CDH18: variants seen among roughly 807,000 people sequenced by gnomAD.
The protein encoded by CDH18 is cadherin-18.
CDH18 carries 31 observed loss-of-function variants against 67.9 expected under a neutral mutation model. The observed-to-expected ratio is 0.46, with a 90% CI of 0.34 to 0.62. The LOEUF is 0.62. Among genes scored for constraint, CDH18 ranks in the 20% least tolerant of loss-of-function variants. CDH18 has a pLI of 0.01. For synonymous variants in CDH18, 362 were observed against 347.2 expected, an observed-to-expected ratio of 1.04 and a Z score of -0.48; for missense variants, 890 against 975.5, an observed-to-expected ratio of 0.91 and a Z score of 1.17.
chr5:20,482,748 A>G (rs1752904409), intron 1 of CDH18, among the ~76,000 whole-genome samples: 1 of 152,032 alleles, frequency 6.6e-6, no homozygotes, highest in African/African-American at 2.4e-5. Flanking sequence ...AACTCTCAAA[A>G]AAACTGGCTA....
intron 1 of CDH18, among the ~76,000 whole-genome samples, chr5:20,549,619 GAGA>G (rs976243896): frequency 2.6e-5 from 4 of 152,266 alleles, no homozygotes; most frequent in East Asian, 1.9e-4. Flanking sequence ...GCAAGAAAGT[GAGA>G]AGATTAACTC....
At chr5:20,268,981 A>G (rs1056162934) in intron 1 of CDH18, among the ~76,000 whole-genome samples, 3 of 152,194 alleles carry the variant, frequency 2.0e-5, no homozygotes, top group African/African-American at 4.8e-5. Flanking sequence ...TTTCTTCAAC[A>G]GGGGATTAAT....
At chr5:19,992,017 C>CAAAAA (rs775034313), upstream of CDH18, 16 of 47,518 alleles carry the variant, frequency 3.4e-4, no homozygotes, top group East Asian at 8.9e-4. Context: ...GATTCCATCT[C>CAAAAA]AAAAAAAAAA....
intron 5 of CDH18, among the ~76,000 whole-genome samples, chr5:19,705,498 A>T (rs1763838069): frequency 6.6e-6 from 1 of 152,190 alleles, no homozygotes; most frequent in African/African-American, 2.4e-5. Flanking sequence ...TTAACAAAGG[A>T]GGCTGAGACA....
intron 3 of CDH18, among the ~76,000 whole-genome samples, chr5:19,753,129 AC>A (rs911206661): frequency 6.6e-6 from 1 of 151,932 alleles, no homozygotes; most frequent in East Asian, 1.9e-4. Flanking sequence ...GCTCTTTAAC[AC>A]CCCCAAAAAT....
chr5:19,885,866 C>T (rs6872164), intron 2 of CDH18, among the ~76,000 whole-genome samples: 123,215 of 152,050 alleles, frequency 0.81, 51,409 homozygotes, highest in Non-Finnish European at 0.91. Context: ...AATGTGTTTA[C>T]AATTTCTTAG....
rs563080690 is a variant in CDH18 at position 19,631,505 on chromosome 5, A to G, written c.644-18904T>C. Among the ~76,000 whole-genome samples, 27 of 152,236 alleles carry G rather than the reference A, an allele frequency of 1.8e-4. No homozygotes were observed. The Middle Eastern group carries it at 0.014, about 77-fold the overall frequency. On this transcript the variant is annotated intron_variant, in intron 5 of 12. Transcript: ENST00000382275. Reference sequence around the variant, plus strand: ...GTATCTTTGGCAAGGTCACTTAACCAAACAGTTGGCAAATTCTGAAGCGAT... The same window carrying G: ...GTATCTTTGGCAAGGTCACTTAACCGAACAGTTGGCAAATTCTGAAGCGAT...
At chr5:20,338,626 G>A (rs1015248536) in intron 1 of CDH18, among the ~76,000 whole-genome samples, 1 of 152,214 alleles carries the variant, frequency 6.6e-6, no homozygotes, top group African/African-American at 2.4e-5. Flanking sequence ...ACATCCTTTT[G>A]AGACATCTGG....
intron 2 of CDH18, among the ~76,000 whole-genome samples, chr5:19,890,178 C>T (rs578190527): frequency 6.6e-6 from 1 of 152,070 alleles, no homozygotes; most frequent in Non-Finnish European, 1.5e-5. Context: ...TGTGCTGTTA[C>T]AAGCTTCTGG....
At position 19,570,677 on chromosome 5, in the gene CDH18, C is replaced by T. The variant is rs999096767; in HGVS notation, c.1253+902G>A. On this transcript the variant is annotated intron_variant, in intron 8 of 12. Coordinates refer to ENST00000382275, the MANE Select transcript of CDH18 (RefSeq NM_004934.5). ...TACAGGATATCCAAGAAGTTTTACACATGTATGCAGCCTTTCTGATTTTGT... is the reference window on the plus strand; with the variant it reads ...TACAGGATATCCAAGAAGTTTTACATATGTATGCAGCCTTTCTGATTTTGT... Among the ~76,000 whole-genome samples the T allele has an allele frequency of 3.7e-4, 57 of 152,138 alleles. 1 individual carries two copies. The highest frequency in any genetic ancestry group is 1.3e-3 in the African/African-American group (52 of 41,502).
At chr5:19,527,237 G>T (rs1268089237) in intron 9 of CDH18, among the ~76,000 whole-genome samples, 2 of 151,668 alleles carry the variant, frequency 1.3e-5, no homozygotes, top group Non-Finnish European at 3.0e-5. Context: ...TTTGAAATGA[G>T]AGTAGTTTTT....
At chr5:20,020,872 C>G (rs774337639) in intron 2 of CDH18, among the ~76,000 whole-genome samples, 5 of 152,120 alleles carry the variant, frequency 3.3e-5, no homozygotes, top group Admixed American at 6.5e-5. Flanking sequence ...CCACCATCAT[C>G]CAGGCCTCAG....
At chr5:20,466,811 A>G (rs918552931) in intron 1 of CDH18, among the ~76,000 whole-genome samples, 1 of 152,116 alleles carries the variant, frequency 6.6e-6, no homozygotes, top group Non-Finnish European at 1.5e-5. Context: ...CCACATAGAC[A>G]GATCATAAAC....
intron 8 of CDH18, among the ~76,000 whole-genome samples, chr5:19,548,356 T>C (rs1208901556): frequency 6.6e-6 from 1 of 151,984 alleles, no homozygotes; most frequent in East Asian, 1.9e-4. Context: ...CAGAATAAAT[T>C]GAGGCTAGAA....
At chr5:19,586,157 GCTA>G (rs957413454) in intron 7 of CDH18, among the ~76,000 whole-genome samples, 2 of 151,990 alleles carry the variant, frequency 1.3e-5, no homozygotes, top group African/African-American at 2.4e-5. Context: ...ATTAGTTGCT[GCTA>G]CTATTTTTTT....
Position 20,230,042 on chromosome 5 carries a change from TTC to T in CDH18, c.-518+25400_-518+25401del, listed in dbSNP as rs1741941016. The stretch of plus-strand genomic sequence containing the variant: ...CTCCTTAGACAATTAGTTATAACTA[TTC>T]TGTCTTTCAGGAATGGGAAATAGAA... On this transcript the variant is annotated intron_variant, in intron 2 of 14. Transcript: ENST00000507958. Among the ~76,000 whole-genome samples, 2 of 152,178 alleles carry T rather than the reference TTC, an allele frequency of 1.3e-5. 1 individual carries two copies. The highest frequency in any genetic ancestry group is 4.1e-4 in the South Asian group (2 of 4,830).
chr5:20,323,836 A>G (rs1232784603), intron 1 of CDH18, among the ~76,000 whole-genome samples: 1 of 152,232 alleles, frequency 6.6e-6, no homozygotes, highest in Non-Finnish European at 1.5e-5. Context: ...TAACACAGAT[A>G]TAAGAATTAT....
intron 5 of CDH18, among the ~76,000 whole-genome samples, chr5:19,661,654 G>T (rs1580749537): frequency 6.6e-6 from 1 of 151,990 alleles, no homozygotes; most frequent in Non-Finnish European, 1.5e-5. Context: ...AGAATGACCT[G>T]TTCTTTCTCT....
intron 1 of CDH18, among the ~76,000 whole-genome samples, chr5:20,354,813 G>A (rs1741476323): frequency 6.6e-6 from 1 of 152,156 alleles, no homozygotes; most frequent in Non-Finnish European, 1.5e-5. Context: ...TCAGAGATCT[G>A]AGTTGGTAAC....
Sources: gnomAD v4.1 joint callset for allele counts (sites outside exome capture counted in the v4.1 genomes callset) on GRCh38, gnomAD v4.1.1 for gene constraint, MANE v1.5 for transcripts, NCBI Gene and HGNC (gene_info 2026-07-23, HGNC 2026-07-21) for gene names.